The following ADGRB2 variants were observed in gnomAD, a reference collection of about 807,000 sequenced individuals.
The protein encoded by ADGRB2 is adhesion G protein-coupled receptor B2, also known as brain-specific angiogenesis inhibitor 2.
Under a neutral mutation model 178.7 loss-of-function variants are expected in ADGRB2, and 47 were observed. The observed-to-expected ratio is 0.26, with a 90% CI of 0.21 to 0.34. The LOEUF (loss-of-function observed/expected upper bound fraction) is 0.34, where lower values mean the gene tolerates loss of function less well. Among genes scored for constraint, ADGRB2 ranks in the 10% least tolerant of loss-of-function variants. ADGRB2 has a pLI of 1.00. For synonymous variants in ADGRB2, 870 were observed against 912.4 expected (o/e 0.95, Z 0.84); for missense variants, 1,584 against 2,180.8 (o/e 0.73, Z 5.45).
rs1487967290 is a variant in ADGRB2 at position 31,758,780 on chromosome 1, T to TC, written c.-190-1270dup. 1 of 159,474 alleles carries TC rather than the reference T, an allele frequency of 6.3e-6. No homozygotes were observed. 9.9% of individuals were successfully genotyped at this position (159,474 alleles called of 1,614,324 possible). On this transcript the variant is annotated intron_variant, in intron 1 of 32. Coordinates refer to ENST00000373658, the MANE Select transcript of ADGRB2 (RefSeq NM_001364857.2). The surrounding 1 kb of genome is among the most constrained non-coding windows in gnomAD (Gnocchi z 4.2). The stretch of plus-strand genomic sequence containing the variant: ...GCGGAAGCCAGACAGGCTGTGCCTC[T>TC]CCCCCCAACCACCCACCCTCCTCCT...
rs1452879049 is a variant in ADGRB2, at chr1:31,754,457, T to C, written c.838+1542A>G. The stretch of plus-strand genomic sequence containing the variant: ...GGCCATGCAGGAAGAGCCATAAGCC[T>C]CCTGATATACGCCTGGCGTTCTCCG... On this transcript the variant is annotated intron_variant, in intron 4 of 32. Transcript: ENST00000373658. The surrounding 1 kb of genome is among the most constrained non-coding windows in gnomAD (Gnocchi z 5.7). 2.0e-5 allele frequency among the ~76,000 whole-genome samples: 3 copies of C among 152,234 alleles called. No individual in the cohort carries two copies. The highest frequency in any genetic ancestry group is 6.5e-5 in the Admixed American group (1 of 15,292).
rs1487678731 is a variant in ADGRB2, at chr1:31,733,140, G to T, written c.3456C>A (p.Ala1152=). The T allele has an allele frequency of 6.3e-7, 1 of 1,576,906 alleles. No homozygotes were observed. The highest frequency in any genetic ancestry group is 1.2e-5 in the South Asian group (1 of 86,224). The change falls in exon 26 of 33, where the codon GCC becomes GCA. Residue 1152 remains alanine, a synonymous_variant. Transcript: ENST00000373658. This position sits in a 1 kb window ranked among gnomAD's most constrained non-coding sequence, Gnocchi z 4.3. The part of the protein sequence containing the change: ...LSSASARNAM[A]SLWSSCVVLP... ...GCACCACGCAGGAGCTCCAGAGTGA[G>T]GCCCTGAGGGGACAGTGGCAGAGCC... is the stretch of plus-strand genomic sequence containing the variant.
Position 31,744,798 on chromosome 1 carries a change from G to T in ADGRB2, c.839-67C>A. 1.3e-6 allele frequency: 2 copies of T among 1,530,596 alleles called. No homozygotes were observed. The highest frequency in any genetic ancestry group is 1.8e-6 in the Non-Finnish European group (2 of 1,106,480). The allele number at this position is 1,530,596 out of a possible 1,614,324, so 94.8% of individuals were successfully genotyped here. On this transcript the variant is annotated intron_variant, in intron 4 of 32. Coordinates refer to ENST00000373658, the MANE Select transcript of ADGRB2 (RefSeq NM_001364857.2). This position sits in a 1 kb window ranked among gnomAD's most constrained non-coding sequence, Gnocchi z 6.7. ...CTAGGTTCTGTTACAGTGGCACAGT[G>T]AAGGCAGCCTTCCTTGCCCTCCGCC...
rs1323881808 is a variant in ADGRB2, at chr1:31,756,784, G to A, written c.53C>T (p.Pro18Leu). 6 of 1,501,842 alleles carry A rather than the reference G, an allele frequency of 4.0e-6. No homozygotes were observed. Among genetic ancestry groups the A allele is most frequent in the Non-Finnish European group, 4.5e-6 (5 of 1,122,036 alleles). The allele number at this position is 1,501,842 out of a possible 1,614,324, so 93.0% of individuals were successfully genotyped here. Residue 18 changes from proline (P) to leucine (L), a missense_variant, in exon 4 of 33, where the codon CCC becomes CTC. Transcript: ENST00000373658. This position sits in a 1 kb window ranked among gnomAD's most constrained non-coding sequence, Gnocchi z 8.5. ...GKGHRMTPACPLLLSVILSLR... is the reference protein window; with the variant it reads ...GKGHRMTPACLLLLSVILSLR... The stretch of plus-strand genomic sequence containing the variant: ...GGACAGAATCACAGACAGTAAGAGG[G>A]GACAGGCTGGGGTCATCCTATGTCC...
Position 31,757,462 on chromosome 1 carries a change from A to G in ADGRB2, c.-141T>C. 1.7e-6 allele frequency: 1 copy of G among 573,420 alleles called. No homozygotes were observed. The allele number at this position is 573,420 out of a possible 1,614,324, so 35.5% of individuals were successfully genotyped here. ...TGCGCACAACCTGAGCCATGCCCAC[A>G]GGAGGGCACTGTCAGTGTGGACGTC... On this transcript the variant is annotated 5_prime_UTR_variant, in exon 2 of 33. Transcript: ENST00000373658.
rs1050994999 is a variant in ADGRB2 at position 31,753,289 on chromosome 1, A to T, written c.838+2710T>A. Among the ~76,000 whole-genome samples, 1 of 152,166 alleles carries T rather than the reference A, an allele frequency of 6.6e-6. No homozygotes were observed. Among genetic ancestry groups the T allele is most frequent in the Non-Finnish European group, 1.5e-5 (1 of 68,028 alleles). ...CAGATTGCGGCAGCAAGATGGCACA[A>T]ATTTATGGCTCAACTCACCAAAAAT... On this transcript the variant is annotated intron_variant, in intron 4 of 32. Transcript: ENST00000373658. This position sits in a 1 kb window ranked among gnomAD's most constrained non-coding sequence, Gnocchi z 4.1.
At chr1:31,732,437 A>C in intron 27 of ADGRB2, 80 bp downstream of exon 27, 3 of 1,487,526 alleles carry the variant, frequency 2.0e-6, no homozygotes, top group Non-Finnish European at 2.8e-6. Context: ...TGGATGGGGA[A>C]GGTAAATGGT....
intron 4 of ADGRB2, among the ~76,000 whole-genome samples, chr1:31,746,868 G>C (rs1478095288): frequency 2.0e-5 from 3 of 152,272 alleles, no homozygotes; most frequent in Non-Finnish European, 2.9e-5. Context: ...CCCAGGAACA[G>C]ATCCAGGCCT....
intron 4 of ADGRB2, among the ~76,000 whole-genome samples, chr1:31,750,160 A>C (rs1183561515): frequency 6.6e-6 from 1 of 152,092 alleles, no homozygotes; most frequent in Non-Finnish European, 1.5e-5. Flanking sequence ...GCCTTCCTAG[A>C]CTGACAATAC....
chr1:31,752,402 C>G (rs1353655133), intron 4 of ADGRB2, among the ~76,000 whole-genome samples: 1 of 152,132 alleles, frequency 6.6e-6, no homozygotes, highest in Admixed American at 6.5e-5. Flanking sequence ...GGTCTCCCCG[C>G]CCCCACCCTG....
intron 19 of ADGRB2, 40 bp from the exon 20 acceptor site, chr1:31,737,571 C>T (rs780993249): frequency 6.2e-7 from 1 of 1,611,168 alleles, no homozygotes; most frequent in East Asian, 2.2e-5. Context: ...GCGCTGGCTG[C>T]CCCATCCGAC....
intron 1 of ADGRB2, 89 bp downstream of exon 1, chr1:31,763,795 G>T: frequency 1.0e-6 from 1 of 985,120 alleles, no homozygotes; most frequent in Non-Finnish European, 1.2e-6. Flanking sequence ...TTAGGAGAGC[G>T]CCCCGAGTCC....
Position 31,728,328 on chromosome 1 carries a change from G to T in ADGRB2, c.4417-48C>A. ...GGGTCGCTCCCCGGGGCAGCACCAT[G>T]ATCCCCCCTACCCAGGGCACTCAGC... On this transcript the variant is annotated intron_variant, in intron 30 of 32. Transcript: ENST00000373658. This position sits in a 1 kb window ranked among gnomAD's most constrained non-coding sequence, Gnocchi z 6.7. 1.9e-6 allele frequency: 3 copies of T among 1,577,918 alleles called. No homozygotes were observed. The highest frequency in any genetic ancestry group is 1.1e-5 in the South Asian group (1 of 89,654).
At chr1:31,751,381 T>C (rs1319615219) in intron 4 of ADGRB2, among the ~76,000 whole-genome samples, 1 of 152,256 alleles carries the variant, frequency 6.6e-6, no homozygotes, top group Non-Finnish European at 1.5e-5. Flanking sequence ...TTTGTGCCTG[T>C]TGTCCTGATG....
rs1569826279 is a variant in ADGRB2 at position 31,736,175 on chromosome 1, C to A, written c.3200+146G>T. 2.9e-6 allele frequency: 3 copies of A among 1,035,368 alleles called. No homozygotes were observed. In the East Asian group the frequency reaches 7.1e-5, roughly 25 times the overall value. The allele number at this position is 1,035,368 out of a possible 1,614,324, so 64.1% of individuals were successfully genotyped here. On this transcript the variant is annotated intron_variant, in intron 22 of 32. Coordinates refer to ENST00000373658, the MANE Select transcript of ADGRB2 (RefSeq NM_001364857.2). ...ATTACCCAGTCCTAGCACATTCCCT[C>A]AGTCAGGGAAACTGAAGCTCAGAAA...
chr1:31,729,530 A>T (rs112897959), intron 29 of ADGRB2, among the ~76,000 whole-genome samples: 4,562 of 151,802 alleles, frequency 0.03, 176 homozygotes, highest in African/African-American at 0.09. Context: ...ATCCTCCCCA[A>T]CCCAGCCACA....
chr1:31,730,924 T>C lies in ADGRB2; in HGVS notation c.4256A>G (p.Tyr1419Cys), dbSNP rs776378791. 6.3e-6 allele frequency: 10 copies of C among 1,582,482 alleles called. No homozygotes were observed. Among genetic ancestry groups the C allele is most frequent in the Non-Finnish European group, 8.6e-6 (10 of 1,163,752 alleles). Residue 1419 changes from tyrosine (Y) to cysteine (C), a missense_variant, in exon 29 of 33, where the codon TAT (tyrosine) becomes TGT (cysteine). Physicochemically the swap from Tyr to Cys is radical, Grantham distance 194. Transcript: ENST00000373658. ...GPAYGSLQNP[Y>C]GMTFQPPPPT... is the part of the protein sequence containing the mutation. ...CGGTGGCGGTTGGAAGGTCATTCCA[T>C]AGGGATTCTGGAGAGATCCATAGGC... is the stretch of plus-strand genomic sequence containing the variant.
At position 31,735,201 on chromosome 1, in the gene ADGRB2, G is replaced by T. The variant is rs1215984109; in HGVS notation, c.3434C>A (p.Ala1145Asp). The T allele has an allele frequency of 7.0e-7, 1 of 1,438,670 alleles. No homozygotes were observed. The highest frequency in any genetic ancestry group is 9.2e-7 in the Non-Finnish European group (1 of 1,091,888). The allele number at this position is 1,438,670 out of a possible 1,614,324, so 89.1% of individuals were successfully genotyped here. ...GACTAACATGGCGTTCCTGGCCGAG[G>T]CTGAGCTGAGCAGGGGGCTGGGGAC... ...GAVPSPLLSS[A>D]SARNAMASLW... is the part of the protein sequence containing the mutation. The change falls in exon 25 of 33, where the codon GCC becomes GAC. Residue 1145 changes from alanine to aspartate, a missense_variant. By Grantham distance (126) the Ala-to-Asp change is moderately radical. Around this residue, in one of 3 missense-constraint regions of ADGRB2, gnomAD observed 865 missense variants for 1,192.8 expected, o/e 0.73. Coordinates refer to ENST00000373658, the MANE Select transcript of ADGRB2 (RefSeq NM_001364857.2). The surrounding 1 kb of genome is among the most constrained non-coding windows in gnomAD (Gnocchi z 6.0).
At chr1:31,750,447 C>T (rs1048944712) in intron 4 of ADGRB2, among the ~76,000 whole-genome samples, 1 of 152,182 alleles carries the variant, frequency 6.6e-6, no homozygotes, top group Admixed American at 6.5e-5. Flanking sequence ...GGCTCTTTGT[C>T]ACTTGCACAG....
Sources: allele counts gnomAD v4.1 joint callset (sites outside exome capture counted in the v4.1 genomes callset), GRCh38; gene constraint gnomAD v4.1.1; regional missense constraint gnomAD v4.1.1; non-coding constraint Gnocchi (gnomAD v3.1); transcripts MANE v1.5; gene names NCBI Gene and HGNC (gene_info 2026-07-23, HGNC 2026-07-21).